Variants in SLC6A20 observed in about 807,000 individuals in gnomAD.
SLC6A20 encodes the protein sodium- and chloride-dependent transporter XTRP3.
Under a neutral mutation model 64.3 loss-of-function variants are expected in SLC6A20, and 73 were observed. The observed-to-expected ratio is 1.14, with a 90% CI of 0.94 to 1.38. The LOEUF is 1.38. Ranked by LOEUF, SLC6A20 falls within the 40% of genes most tolerant of loss-of-function variation. SLC6A20 has a pLI of 0.00. For missense variants in SLC6A20, 725 were observed against 772.8 expected (o/e 0.94, Z 0.73); for synonymous variants, 347 against 329.6 (o/e 1.05, Z -0.57).
Position 45,796,465 on chromosome 3 carries a change from G to C in SLC6A20, c.-46C>G, listed in dbSNP as rs752873318. On this transcript the variant is annotated 5_prime_UTR_variant, in exon 1 of 11. Transcript: ENST00000358525. ...CGGCTCCGGCTCGGGGGTCCGGCAC[G>C]GCAGTCTCAGTGCGCGGTCGCCAGG... is the stretch of plus-strand genomic sequence containing the variant. The C allele has an allele frequency of 1.3e-6, 2 of 1,581,644 alleles. No homozygotes were observed. Among genetic ancestry groups the C allele is most frequent in the Middle Eastern group, 1.7e-4 (1 of 5,992 alleles).
At position 45,759,104 on chromosome 3, in the gene SLC6A20, G is replaced by A. The variant is rs754068203; in HGVS notation, c.1653C>T (p.Tyr551=). The change falls in exon 11 of 11, where the codon TAC becomes TAT. Residue 551 remains tyrosine, a synonymous_variant. Transcript: ENST00000358525. ...ASQGQLVTKD[Y]PAYALAVIGL... ...CGATGACAGCCAGTGCATAGGCCGG[G>A]TAATCTTTGGTCACGAGCTGGCCCT... The A allele has an allele frequency of 8.7e-6, 14 of 1,611,274 alleles. No individual in the cohort carries two copies. In the Admixed American group the frequency reaches 1.5e-4, roughly 17 times the overall value.
At chr3:45,794,459 C>G (rs1700313214) in intron 1 of SLC6A20, among the ~76,000 whole-genome samples, 1 of 152,154 alleles carries the variant, frequency 6.6e-6, no homozygotes, top group East Asian at 1.9e-4. Flanking sequence ...ACCCAGCCAC[C>G]AATCCATGCT....
intron 1 of SLC6A20, among the ~76,000 whole-genome samples, chr3:45,793,195 C>T (rs1346201929): frequency 6.6e-6 from 1 of 152,218 alleles, no homozygotes; most frequent in East Asian, 1.9e-4. Flanking sequence ...TACTGTCCCA[C>T]TGCATAGTCA....
chr3:45,778,946 C>T (rs561806318), intron 3 of SLC6A20, among the ~76,000 whole-genome samples: 6 of 152,312 alleles, frequency 3.9e-5, no homozygotes, highest in African/African-American at 1.4e-4. Context: ...CTTGGTGGAG[C>T]TCATTGGGAA....
chr3:45,777,678 G>A (rs1232186089), intron 3 of SLC6A20, among the ~76,000 whole-genome samples: 1 of 152,212 alleles, frequency 6.6e-6, no homozygotes, highest in Non-Finnish European at 1.5e-5. Context: ...GAGGTGCCCA[G>A]TGGCAGCCAG....
At position 45,780,079 on chromosome 3, in the gene SLC6A20, G is replaced by T. The variant is rs745699494; in HGVS notation, c.284C>A (p.Ser95Tyr). 6.3e-7 allele frequency: 1 copy of T among 1,599,772 alleles called. No individual in the cohort carries two copies. The highest frequency in any genetic ancestry group is 1.1e-5 in the South Asian group (1 of 88,228). ...GTTGTAGTACATGGAGAGGAAGAAA[G>T]AGACCACCACGCTGGCGACCCCTGC... ...SGVGVASVVV[S>Y]FFLSMYYNVI... The change falls in exon 3 of 11, where the codon TCT (serine) becomes TAT (tyrosine). Residue 95 changes from serine (S) to tyrosine (Y), a missense_variant. Physicochemically the swap from Ser to Tyr is moderately radical, Grantham distance 144. Coordinates refer to ENST00000358525, the MANE Select transcript of SLC6A20 (RefSeq NM_020208.4).
At position 45,755,529 on chromosome 3, in the gene SLC6A20, T is replaced by TA. The variant is rs1488064127; in HGVS notation, c.*3448dup. On this transcript the variant is annotated 3_prime_UTR_variant, in exon 11 of 11. Transcript: ENST00000358525. ...ATTTCCCTACTCAATTTCTTGGAGC[T>TA]AAATCAAGGTTTGCTATGTTTCCAG... The TA allele has an allele frequency of 2.0e-5, 3 of 152,594 alleles. No individual in the cohort carries two copies. The highest frequency in any genetic ancestry group is 4.4e-5 in the Non-Finnish European group (3 of 68,042). The allele number at this position is 152,594 out of a possible 1,614,324, so 9.5% of individuals were successfully genotyped here.
intron 1 of SLC6A20, among the ~76,000 whole-genome samples, chr3:45,794,455 C>A (rs1700313052): frequency 6.6e-6 from 1 of 152,186 alleles, no homozygotes; most frequent in South Asian, 2.1e-4. Context: ...ATACACCCAG[C>A]CACCAATCCA....
In SLC6A20 at chr3:45,775,944, C is replaced by G. The variant is rs370752048; in HGVS notation, c.399G>C (p.Thr133=). ...WSVCPLNGNH[T]GYDEECEKAS... is the part of the protein sequence containing the mutation. ...CCTTCTCACACTCCTCATCGTAGCC[C>G]GTGTGGTTACCATTCAGTGGGCAGA... The change falls in exon 4 of 11, where the codon ACG becomes ACC. Residue 133 remains threonine, a synonymous_variant. Transcript: ENST00000358525. The G allele has an allele frequency of 2.5e-6, 4 of 1,614,176 alleles. No individual in the cohort carries two copies. Among genetic ancestry groups the G allele is most frequent in the Admixed American group, 3.3e-5 (2 of 60,020 alleles).
chr3:45,781,837 G>T (rs1415162065), intron 2 of SLC6A20, among the ~76,000 whole-genome samples: 1 of 152,038 alleles, frequency 6.6e-6, no homozygotes, highest in Non-Finnish European at 1.5e-5. Context: ...AGAGAAGGAG[G>T]GTGGCATCTG....
intron 1 of SLC6A20, among the ~76,000 whole-genome samples, chr3:45,785,877 T>TG (rs1700162201): frequency 6.6e-6 from 1 of 152,138 alleles, no homozygotes; most frequent in Admixed American, 6.5e-5. Context: ...CAGGATGCCT[T>TG]GCAGCTTCAC....
chr3:45,767,566 T>A (rs1699797182), intron 7 of SLC6A20, among the ~76,000 whole-genome samples: 4 of 152,024 alleles, frequency 2.6e-5, no homozygotes, highest in Admixed American at 2.6e-4. Context: ...TAGGACAGGA[T>A]GAAAAAGTCA....
Position 45,776,249 on chromosome 3 carries a change from CTG to C in SLC6A20, c.355-263_355-262del, listed in dbSNP as rs772011774. ...GGTGTTCCTTGAGGACTACTGAACT[CTG>C]TGGTGGGTCCCAGAGACTGAATAGC... On this transcript the variant is annotated intron_variant, in intron 3 of 10. Coordinates refer to ENST00000358525, the MANE Select transcript of SLC6A20 (RefSeq NM_020208.4). Among the ~76,000 whole-genome samples, 10 of 152,226 alleles carry C rather than the reference CTG, an allele frequency of 6.6e-5. No homozygotes were observed. The Middle Eastern group carries it at 0.01, about 155-fold the overall frequency.
intron 7 of SLC6A20, among the ~76,000 whole-genome samples, chr3:45,766,196 G>A (rs925110656): frequency 5.9e-5 from 9 of 152,312 alleles, no homozygotes; most frequent in East Asian, 1.9e-4. Context: ...CAGCGGTCAC[G>A]TCCCTGTGCT....
At chr3:45,760,347 G>A (rs1436079750) in intron 9 of SLC6A20, among the ~76,000 whole-genome samples, 1 of 152,352 alleles carries the variant, frequency 6.6e-6, no homozygotes, top group African/African-American at 2.4e-5. Flanking sequence ...GGTGGGCACA[G>A]GCAGCAGGGG....
intron 1 of SLC6A20, among the ~76,000 whole-genome samples, chr3:45,784,126 G>A (rs1373307308): frequency 6.6e-6 from 1 of 152,202 alleles, no homozygotes; most frequent in Admixed American, 6.5e-5. Context: ...GTGCCCATGG[G>A]TAGGGTGGAA....
intron 2 of SLC6A20, 123 bp from the exon 3 acceptor site, chr3:45,780,223 AC>A: frequency 1.3e-6 from 1 of 789,038 alleles, no homozygotes; most frequent in Non-Finnish European, 2.1e-6. Flanking sequence ...GCCTCCCTCC[AC>A]CAGGTTTGTG....
chr3:45,792,193 G>A (rs892669388), intron 1 of SLC6A20, among the ~76,000 whole-genome samples: 2 of 152,144 alleles, frequency 1.3e-5, no homozygotes, highest in Non-Finnish European at 2.9e-5. Flanking sequence ...ACCACAGGAA[G>A]AAGTACCCTG....
rs1251778946 is a variant in SLC6A20, at chr3:45,760,040, AGAG to A, written c.1464-21_1464-19del. On this transcript the variant is annotated intron_variant, in intron 9 of 10. Transcript: ENST00000358525. ...TTTCAAATCTATTTGGAAAACAGGGAGAGAAAGTCTGGATTAACCAGGCTGCGG... is the reference window on the plus strand; with the variant it reads ...TTTCAAATCTATTTGGAAAACAGGGAAAAGTCTGGATTAACCAGGCTGCGG... The A allele has an allele frequency of 6.2e-7, 1 of 1,602,492 alleles. No individual in the cohort carries two copies. The highest frequency in any genetic ancestry group is 8.5e-7 in the Non-Finnish European group (1 of 1,174,478).
Sources: allele counts gnomAD v4.1 joint callset (sites outside exome capture counted in the v4.1 genomes callset), GRCh38; gene constraint gnomAD v4.1.1; transcripts MANE v1.5; gene names NCBI Gene and HGNC (gene_info 2026-07-23, HGNC 2026-07-21).